ACAP3: variants seen among roughly 807,000 people sequenced by gnomAD.
The protein encoded by ACAP3 is arf-GAP with coiled-coil, ANK repeat and PH domain-containing protein 3.
Under a neutral mutation model 104.1 loss-of-function variants are expected in ACAP3, and 56 were observed. The observed-to-expected ratio is 0.54, with a 90% confidence interval of 0.43 to 0.67. The LOEUF (loss-of-function observed/expected upper bound fraction) is 0.67, where lower values mean the gene tolerates loss of function less well. Among genes scored for constraint, ACAP3 ranks in the 30% least tolerant of loss-of-function variants. ACAP3 has a pLI of 0.00. For missense variants in ACAP3, 1,208 were observed against 1,174.9 expected, an observed-to-expected ratio of 1.03 and a Z score of -0.41; for synonymous variants, 628 against 496.2, an observed-to-expected ratio of 1.27 and a Z score of -3.53.
chr1:1,297,941 C>G lies in ACAP3; in HGVS notation c.1017-8G>C, dbSNP rs368938860. On this transcript the variant is annotated splice_region_variant and splice_polypyrimidine_tract_variant and intron_variant, in intron 13 of 23. Coordinates refer to ENST00000354700, the MANE Select transcript of ACAP3 (RefSeq NM_030649.3). ...GCCTGCAGCATGCAGCTCCTGCAGG[C>G]AGTGGAGGGGCGGGCGTCAGCTCCG... 3.5e-5 allele frequency: 57 copies of G among 1,611,500 alleles called. No homozygotes were observed. Among genetic ancestry groups the G allele is most frequent in the Non-Finnish European group, 4.7e-5 (55 of 1,179,312 alleles).
chr1:1,295,639 C>G, intron 18 of ACAP3, 85 bp from the exon 19 acceptor site: 1 of 1,558,752 alleles, frequency 6.4e-7, no homozygotes, highest in Middle Eastern at 1.8e-4. Flanking sequence ...TCTGCGGAGC[C>G]TGAGGTGCCC....
chr1:1,294,771 G>A lies in ACAP3; in HGVS notation c.1859C>T (p.Ser620Leu), dbSNP rs1467762083. The change falls in exon 20 of 24, where the codon TCG becomes TTG. Residue 620 changes from serine (S) to leucine (L), a missense_variant. Transcript: ENST00000354700. ...SGLGGSSDGS[S>L]DVLAFGSGSV... ...GCCCGAGCCGAAAGCCAGGACGTCC[G>A]AGCTGCCATCCGAGCTGCCCCCAAG... The A allele has an allele frequency of 4.5e-6, 7 of 1,549,608 alleles. No homozygotes were observed. Among genetic ancestry groups the A allele is most frequent in the African/African-American group, 4.1e-5 (3 of 72,982 alleles).
In ACAP3 at chr1:1,303,125, A is replaced by G. The variant is rs1329835378; in HGVS notation, c.225+37T>C. On this transcript the variant is annotated intron_variant, in intron 3 of 23. Coordinates refer to ENST00000354700, the MANE Select transcript of ACAP3 (RefSeq NM_030649.3). The surrounding 1 kb of genome is among the most constrained non-coding windows in gnomAD (Gnocchi z 4.0). The stretch of plus-strand genomic sequence containing the variant: ...GCTGCCTCCCTCGGCCTCTCCCCCA[A>G]CCCCACCTTGAGGTCAGAGGTCAGT... 1 of 1,569,116 alleles carries G rather than the reference A, an allele frequency of 6.4e-7. No homozygotes were observed. The highest frequency in any genetic ancestry group is 8.6e-7 in the Non-Finnish European group (1 of 1,157,546).
At chr1:1,307,449 G>A (rs953269161) in intron 1 of ACAP3, 22 of 1,295,052 alleles carry the variant, frequency 1.7e-5, no homozygotes, top group Non-Finnish European at 2.1e-5. Flanking sequence ...ACCCTGGCCA[G>A]AGCTGGACTG....
chr1:1,302,484 G>A (rs1641486056), intron 4 of ACAP3, among the ~76,000 whole-genome samples: 1 of 152,184 alleles, frequency 6.6e-6, no homozygotes, highest in Non-Finnish European at 1.5e-5. Flanking sequence ...CAGGAGCAAA[G>A]GGACGGCTGA....
In ACAP3 at chr1:1,303,835, C is replaced by T. The variant is rs779748903; in HGVS notation, c.105+251G>A. On this transcript the variant is annotated intron_variant, in intron 2 of 23. Coordinates refer to ENST00000354700, the MANE Select transcript of ACAP3 (RefSeq NM_030649.3). The surrounding 1 kb of genome is among the most constrained non-coding windows in gnomAD (Gnocchi z 4.0). The stretch of plus-strand genomic sequence containing the variant: ...CCCAGCAGAGGGGACGGGCAGCCAC[C>T]GTGGGTCGGGGACTCACCACAGCCC... The T allele has an allele frequency of 7.0e-5, 40 of 574,014 alleles. No individual in the cohort carries two copies. Among genetic ancestry groups the T allele is most frequent in the Middle Eastern group, 4.5e-4 (1 of 2,218 alleles). 35.6% of individuals were successfully genotyped at this position (574,014 alleles called of 1,614,324 possible). A position where few individuals can be genotyped will look rare whatever the true frequency, so the allele number is the denominator to read the frequency against.
Position 1,295,943 on chromosome 1 carries a change from A to G in ACAP3, c.1503-5T>C. 2 of 1,612,460 alleles carry G rather than the reference A, an allele frequency of 1.2e-6. No individual in the cohort carries two copies. The highest frequency in any genetic ancestry group is 8.5e-7 in the Non-Finnish European group (1 of 1,179,928). ...ATCCAGGCCTCCTTGTCCTGCCTGGACCAGGGGGGAACATGAGGCTGTGCC... is the reference window on the plus strand; with the variant it reads ...ATCCAGGCCTCCTTGTCCTGCCTGGGCCAGGGGGGAACATGAGGCTGTGCC... On this transcript the variant is annotated splice_polypyrimidine_tract_variant and splice_region_variant and intron_variant, in intron 17 of 23. Transcript: ENST00000354700.
chr1:1,293,662 C>A lies in ACAP3; in HGVS notation c.2407G>T (p.Ala803Ser). The change falls in exon 24 of 24, where the codon GCC (alanine) becomes TCC (serine). Residue 803 changes from alanine to serine, a missense_variant. Physicochemically the swap from Ala to Ser is moderately conservative, Grantham distance 99. Transcript: ENST00000354700. ...MAEEMREAEA[A>S]PGPPGALAGS... is the part of the protein sequence containing the mutation. ...GCCAGGGCGCCCGGGGGACCAGGGG[C>A]AGCCTCGGCCTCGCGCATTTCCTCC... 1 of 1,467,170 alleles carries A rather than the reference C, an allele frequency of 6.8e-7. No homozygotes were observed. The highest frequency in any genetic ancestry group is 1.3e-5 in the South Asian group (1 of 77,740). The allele number at this position is 1,467,170 out of a possible 1,614,324, so 90.9% of individuals were successfully genotyped here.
At chr1:1,302,460 G>A (rs1641485292) in intron 4 of ACAP3, among the ~76,000 whole-genome samples, 1 of 152,190 alleles carries the variant, frequency 6.6e-6, no homozygotes, top group Admixed American at 6.5e-5. Context: ...AAGTAGAGAA[G>A]GACCGGGCAC....
At chr1:1,297,025 A>G (rs1641203109) in intron 14 of ACAP3, among the ~76,000 whole-genome samples, 1 of 152,156 alleles carries the variant, frequency 6.6e-6, no homozygotes, top group Non-Finnish European at 1.5e-5. Context: ...GCCAGTGCAC[A>G]CCAGCACACA....
Position 1,299,360 on chromosome 1 carries a change from G to C in ACAP3, c.739-4C>G, listed in dbSNP as rs368470999. 4 of 1,573,444 alleles carry C rather than the reference G, an allele frequency of 2.5e-6. No individual in the cohort carries two copies. Among genetic ancestry groups the C allele is most frequent in the Non-Finnish European group, 3.5e-6 (4 of 1,158,436 alleles). On this transcript the variant is annotated splice_region_variant and splice_polypyrimidine_tract_variant and intron_variant, in intron 9 of 23. Transcript: ENST00000354700. Reference sequence around the variant, plus strand: ...GCTCACTTACCTGCAGCAGCGTCTGGAGGGCCGGAGCAGGAGGGGGTAGGG... The same window carrying C: ...GCTCACTTACCTGCAGCAGCGTCTGCAGGGCCGGAGCAGGAGGGGGTAGGG...
intron 4 of ACAP3, among the ~76,000 whole-genome samples, chr1:1,302,269 C>T (rs1038414082): frequency 2.0e-5 from 3 of 152,162 alleles, no homozygotes; most frequent in Non-Finnish European, 4.4e-5. Flanking sequence ...CCACCTGGCC[C>T]TTGATGAGTG....
chr1:1,293,991 C>T, intron 22 of ACAP3, 58 bp from the exon 23 acceptor site: 2 of 1,462,684 alleles, frequency 1.4e-6, no homozygotes, highest in Admixed American at 2.4e-5. Flanking sequence ...CGAGTGTGGT[C>T]GCGGGGGCGT....
rs11810449 is a variant in ACAP3 at position 1,300,104 on chromosome 1, C to T, written c.568-36G>A. 1,267 of 1,607,412 alleles carry T rather than the reference C, an allele frequency of 7.9e-4. 14 individuals are homozygous for T. In the African/African-American group the frequency reaches 0.015, roughly 19 times the overall value. ...AGCACAGGTGAGGCCCAAGCACACC[C>T]GGTCCAGCCCCCAACATGCAGCCTG... On this transcript the variant is annotated intron_variant, in intron 7 of 23. Coordinates refer to ENST00000354700, the MANE Select transcript of ACAP3 (RefSeq NM_030649.3).
intron 1 of ACAP3, 96 bp downstream of exon 1, chr1:1,307,668 GCGGCC>G: frequency 9.9e-7 from 1 of 1,013,602 alleles, no homozygotes; most frequent in Non-Finnish European, 1.2e-6. Flanking sequence ...CCCGGCGGCC[GCGGCC>G]CGGCCCGGCG....
rs756725359 is a variant in ACAP3, at chr1:1,293,584, G to C, written c.2485C>G (p.Leu829Val). ...FRRCIQEFIS[L>V]HLEES is the part of the protein sequence containing the mutation. ...CGGCCCTAGCTCTCTTCCAGGTGGA[G>C]GCTGATGAACTCCTGGATACACCTG... is the stretch of plus-strand genomic sequence containing the variant. Residue 829 changes from leucine to valine, a missense_variant, in exon 24 of 24, where the codon CTC (leucine) becomes GTC (valine). Leu to Val is a conservative substitution (Grantham distance 32, BLOSUM62 1). Transcript: ENST00000354700. 1.3e-6 allele frequency: 2 copies of C among 1,493,250 alleles called. No homozygotes were observed. Among genetic ancestry groups the C allele is most frequent in the Middle Eastern group, 1.8e-4 (1 of 5,622 alleles). 92.5% of individuals were successfully genotyped at this position (1,493,250 alleles called of 1,614,324 possible).
intron 1 of ACAP3, 28 bp from the exon 2 acceptor site, chr1:1,304,171 T>C (rs1417674221): frequency 1.3e-6 from 2 of 1,549,870 alleles, no homozygotes; most frequent in African/African-American, 1.4e-5. Context: ...CTGGCTGGGG[T>C]CACCTGCAGC....
Position 1,307,878 on chromosome 1 carries a change from G to GCCCGGACCGCTCGT in ACAP3, c.-77_-64dup. 1 of 935,820 alleles carries GCCCGGACCGCTCGT rather than the reference G, an allele frequency of 1.1e-6. No homozygotes were observed. Among genetic ancestry groups the GCCCGGACCGCTCGT allele is most frequent in the Non-Finnish European group, 1.3e-6 (1 of 783,766 alleles). The allele number at this position is 935,820 out of a possible 1,614,324, so 58.0% of individuals were successfully genotyped here. A position where few individuals can be genotyped will look rare whatever the true frequency, so the allele number is the denominator to read the frequency against. The stretch of plus-strand genomic sequence containing the variant: ...GCGGCGCCGAGCGGCAGCCGCGCCG[G>GCCCGGACCGCTCGT]CCCGGACCGCTCGTCCCGCCCGCGC... On this transcript the variant is annotated 5_prime_UTR_variant, in exon 1 of 24. Transcript: ENST00000354700.
chr1:1,293,459 G>T lies in ACAP3; in HGVS notation c.*105C>A, dbSNP rs1640930672. The T allele has an allele frequency of 1.7e-6, 2 of 1,194,148 alleles. No homozygotes were observed. The highest frequency in any genetic ancestry group is 3.9e-5 in the East Asian group (1 of 25,442). The allele number at this position is 1,194,148 out of a possible 1,614,324, so 74.0% of individuals were successfully genotyped here. Reference sequence around the variant, plus strand: ...CCCAGCACTGGGGCTGCCAGGTATCGACCCGCGGGTCACACGCAGGGCCGC... The same window carrying T: ...CCCAGCACTGGGGCTGCCAGGTATCTACCCGCGGGTCACACGCAGGGCCGC... On this transcript the variant is annotated 3_prime_UTR_variant, in exon 24 of 24. Transcript: ENST00000354700.
Sources: allele counts gnomAD v4.1 joint callset (sites outside exome capture counted in the v4.1 genomes callset), GRCh38; gene constraint gnomAD v4.1.1; non-coding constraint Gnocchi (gnomAD v3.1); transcripts MANE v1.5; gene names NCBI Gene and HGNC (gene_info 2026-07-23, HGNC 2026-07-21).